Variants in KCNH7 observed in about 807,000 individuals in gnomAD.
KCNH7 encodes the protein potassium voltage-gated channel subfamily H member 7.
Under a neutral mutation model 120.8 loss-of-function variants are expected in KCNH7, and 49 were observed. The observed-to-expected ratio is 0.41, with a 90% confidence interval of 0.32 to 0.51. The LOEUF (loss-of-function observed/expected upper bound fraction) is 0.51, where lower values mean the gene tolerates loss of function less well. Among genes scored for constraint, KCNH7 ranks in the 20% least tolerant of loss-of-function variants. The pLI is 0.38. For synonymous variants in KCNH7, 547 were observed against 516.1 expected, an observed-to-expected ratio of 1.06 and a Z score of -0.81; for missense variants, 1,097 against 1,446.6, an observed-to-expected ratio of 0.76 and a Z score of 3.92.
rs544488195 is a variant in KCNH7, at chr2:162,397,149, T to G, written c.2408-204A>C. Among the ~76,000 whole-genome samples the G allele has an allele frequency of 3.0e-3, 451 of 151,930 alleles. 3 individuals are homozygous for G. The highest frequency in any genetic ancestry group is 0.01 in the African/African-American group (426 of 41,516). On this transcript the variant is annotated intron_variant, in intron 10 of 15. Transcript: ENST00000332142. ...AAGGGTGATTGGTCCTTTTATTTCC[T>G]TGCTTTGGTTACTTGACTAAGCATC...
chr2:162,490,386 C>A (rs745471966), intron 6 of KCNH7, among the ~76,000 whole-genome samples: 7 of 152,212 alleles, frequency 4.6e-5, no homozygotes, highest in Non-Finnish European at 8.8e-5. Context: ...TTGCTGAGAG[C>A]TTTCCTTTCA....
At chr2:162,679,437 G>T (rs930326349) in intron 2 of KCNH7, among the ~76,000 whole-genome samples, 17 of 151,526 alleles carry the variant, frequency 1.1e-4, no homozygotes, top group African/African-American at 4.1e-4. Flanking sequence ...TTATGCTTTT[G>T]GGAAGAGGGA....
chr2:162,416,255 A>T (rs559867422), intron 9 of KCNH7, among the ~76,000 whole-genome samples: 1 of 151,718 alleles, frequency 6.6e-6, no homozygotes, highest in Non-Finnish European at 1.5e-5. Context: ...CGCCTGTAGT[A>T]CCAGCTACTG....
intron 2 of KCNH7, among the ~76,000 whole-genome samples, chr2:162,620,148 A>G (rs184923345): frequency 6.7e-6 from 1 of 149,150 alleles, no homozygotes; most frequent in East Asian, 2.0e-4. Flanking sequence ...GTAGAGAAAT[A>G]TAGATATATA....
At chr2:162,432,968 T>C (rs1171400252) in intron 8 of KCNH7, among the ~76,000 whole-genome samples, 1 of 152,046 alleles carries the variant, frequency 6.6e-6, no homozygotes, top group African/African-American at 2.4e-5. Context: ...AGAATCAATG[T>C]GCAAAAATTA....
chr2:162,616,942 T>C (rs1202112187), intron 2 of KCNH7, among the ~76,000 whole-genome samples: 1 of 152,196 alleles, frequency 6.6e-6, no homozygotes, highest in East Asian at 1.9e-4. Flanking sequence ...GTGTGTCTTT[T>C]AGTTTGTGCA....
intron 2 of KCNH7, among the ~76,000 whole-genome samples, chr2:162,776,080 GA>G: frequency 6.6e-6 from 1 of 152,310 alleles, no homozygotes; most frequent in South Asian, 2.1e-4. Flanking sequence ...AGTAAAGTAT[GA>G]AAAGAGTACA....
chr2:162,650,646 G>A (rs568176712), intron 2 of KCNH7, among the ~76,000 whole-genome samples: 8 of 152,154 alleles, frequency 5.3e-5, no homozygotes, highest in South Asian at 4.2e-4. Context: ...AGGTACTCTC[G>A]CAGCACTGGG....
intron 6 of KCNH7, among the ~76,000 whole-genome samples, chr2:162,483,034 C>A (rs985747629): frequency 6.6e-6 from 1 of 151,930 alleles, no homozygotes; most frequent in Non-Finnish European, 1.5e-5. Context: ...TGAAGAAGGA[C>A]CCCTATTAAT....
At chr2:162,600,424 G>T (rs1694514253) in intron 2 of KCNH7, among the ~76,000 whole-genome samples, 2 of 152,022 alleles carry the variant, frequency 1.3e-5, no homozygotes. Flanking sequence ...TAATTTGGGG[G>T]TGGACAATTT....
intron 2 of KCNH7, among the ~76,000 whole-genome samples, chr2:162,546,311 CT>C (rs960151608): frequency 7.3e-5 from 11 of 150,810 alleles, no homozygotes; most frequent in African/African-American, 2.2e-4. Context: ...ATTTTTAATT[CT>C]TTTTTTTTAA....
At chr2:162,587,684 A>G (rs1441794616) in intron 2 of KCNH7, among the ~76,000 whole-genome samples, 1 of 151,996 alleles carries the variant, frequency 6.6e-6, no homozygotes, top group Non-Finnish European at 1.5e-5. Flanking sequence ...GAGAAAAGAC[A>G]CTAGTGTGTG....
intron 2 of KCNH7, among the ~76,000 whole-genome samples, chr2:162,651,988 C>T (rs1225724366): frequency 6.6e-6 from 1 of 152,002 alleles, no homozygotes; most frequent in East Asian, 1.9e-4. Context: ...TCTTCTTGGC[C>T]ACAAATATGT....
intron 7 of KCNH7, among the ~76,000 whole-genome samples, chr2:162,437,487 C>T (rs1478788689): frequency 6.6e-6 from 1 of 152,114 alleles, no homozygotes; most frequent in Non-Finnish European, 1.5e-5. Context: ...AGCAAACTTT[C>T]TAATATATGT....
intron 2 of KCNH7, among the ~76,000 whole-genome samples, chr2:162,708,241 A>G (rs1434993): frequency 0.18 from 27,744 of 151,944 alleles, 3,215 homozygotes; most frequent in East Asian, 0.42. Context: ...TCAGGATGGG[A>G]GTCCTTAAGA....
At chr2:162,693,860 A>T (rs1203089328) in intron 2 of KCNH7, among the ~76,000 whole-genome samples, 1 of 151,908 alleles carries the variant, frequency 6.6e-6, no homozygotes, top group Admixed American at 6.6e-5. Context: ...AAAAAGGAAG[A>T]CTGGCCTCTA....
rs1385974571 is a variant in KCNH7 at position 162,721,145 on chromosome 2, T to C, written c.307+115392A>G. Among the ~76,000 whole-genome samples the C allele has an allele frequency of 2.6e-5, 4 of 152,148 alleles. No homozygotes were observed. In the East Asian group the frequency reaches 7.7e-4, roughly 29 times the overall value. Reference sequence around the variant, plus strand: ...GGCATTTCTACCATTCAGAAAATAGTTGCAAATAACCTCAAGAGCATAGAT... The same window carrying C: ...GGCATTTCTACCATTCAGAAAATAGCTGCAAATAACCTCAAGAGCATAGAT... On this transcript the variant is annotated intron_variant, in intron 2 of 15. Transcript: ENST00000332142.
Position 162,621,278 on chromosome 2 carries a change from A to C in KCNH7, c.308-84198T>G, listed in dbSNP as rs1435703673. 2.5e-4 allele frequency among the ~76,000 whole-genome samples: 3 copies of C among 11,838 alleles called. No homozygotes were observed. The Admixed American group carries it at 3.9e-3, about 15-fold the overall frequency. 7.8% of individuals were successfully genotyped at this position (11,838 alleles called of 152,430 possible). ...TTTTTTTTTTTTTTTTTTTTTTTTT[A>C]AGAGAGAGAATATGTAAGAGTGACC... On this transcript the variant is annotated intron_variant, in intron 2 of 15. Coordinates refer to ENST00000332142, the MANE Select transcript of KCNH7 (RefSeq NM_033272.4).
intron 6 of KCNH7, among the ~76,000 whole-genome samples, chr2:162,476,790 T>C (rs375219087): frequency 1.1e-4 from 16 of 152,322 alleles, no homozygotes; most frequent in East Asian, 1.9e-4. Flanking sequence ...CAGAGAATAA[T>C]TGCAAATTTG....
Sources: gnomAD v4.1 joint callset for allele counts (sites outside exome capture counted in the v4.1 genomes callset) on GRCh38, gnomAD v4.1.1 for gene constraint, MANE v1.5 for transcripts, NCBI Gene and HGNC (gene_info 2026-07-23, HGNC 2026-07-21) for gene names.